Variants in NMNAT3 observed in about 807,000 individuals in gnomAD.
NMNAT3 encodes the protein nicotinamide/nicotinic acid mononucleotide adenylyltransferase 3.
NMNAT3 carries 21 observed loss-of-function variants against 24.8 expected under a neutral mutation model. That is an observed-to-expected ratio of 0.85 (90% confidence interval 0.60 to 1.22). The LOEUF (loss-of-function observed/expected upper bound fraction) is 1.22. Among genes scored for constraint, NMNAT3 ranks in the 50% most tolerant of loss-of-function variants. The probability of loss-of-function intolerance (pLI) is 0.00; values close to 1 mark genes in which losing one functional copy is unlikely to be tolerated. For missense variants in NMNAT3, 387 were observed against 436.6 expected (o/e 0.89, Z 1.01); for synonymous variants, 136 against 155.2 (o/e 0.88, Z 0.92).
At chr3:139,652,492 C>T (rs1487740919) in intron 1 of NMNAT3, among the ~76,000 whole-genome samples, 4 of 152,198 alleles carry the variant, frequency 2.6e-5, no homozygotes, top group East Asian at 3.9e-4. Flanking sequence ...AGATGAGATT[C>T]GACCCCACCC....
chr3:139,576,806 C>T (rs968371829), intron 5 of NMNAT3, among the ~76,000 whole-genome samples: 1 of 152,128 alleles, frequency 6.6e-6, no homozygotes, highest in African/African-American at 2.4e-5. Context: ...CCTGTAATCC[C>T]AGCACTTTGG....
At chr3:139,669,458 CAG>C (rs2057687326) in intron 1 of NMNAT3, among the ~76,000 whole-genome samples, 1 of 111,864 alleles carries the variant, frequency 8.9e-6, no homozygotes, top group Non-Finnish European at 1.7e-5. Context: ...GCCTGGGCAA[CAG>C]AGTGAGACCC....
chr3:139,668,715 A>G (rs2057662962), intron 1 of NMNAT3, among the ~76,000 whole-genome samples: 1 of 152,262 alleles, frequency 6.6e-6, no homozygotes, highest in Non-Finnish European at 1.5e-5. Context: ...CATAGACTTC[A>G]TCTAGGGAAC....
At chr3:139,626,572 C>T (rs2056060182) in intron 3 of NMNAT3, among the ~76,000 whole-genome samples, 1 of 152,014 alleles carries the variant, frequency 6.6e-6, no homozygotes, top group Non-Finnish European at 1.5e-5. Context: ...GGTTTGGTTT[C>T]CATTGGTTCA....
chr3:139,649,680 C>T (rs1288048267), intron 1 of NMNAT3, among the ~76,000 whole-genome samples: 1 of 152,170 alleles, frequency 6.6e-6, no homozygotes, highest in Non-Finnish European at 1.5e-5. Flanking sequence ...GTGAGTTGCA[C>T]ACCAGGGAGG....
At chr3:139,639,183 G>A (rs1174980877) in intron 1 of NMNAT3, among the ~76,000 whole-genome samples, 1 of 152,088 alleles carries the variant, frequency 6.6e-6, no homozygotes, top group Non-Finnish European at 1.5e-5. Context: ...GCTTCTTGAG[G>A]GCAAAGAATG....
intron 3 of NMNAT3, among the ~76,000 whole-genome samples, chr3:139,619,807 T>C (rs2055677248): frequency 6.6e-6 from 1 of 152,218 alleles, no homozygotes; most frequent in Non-Finnish European, 1.5e-5. Flanking sequence ...AACGTTATTC[T>C]GCTCACTATT....
intron 3 of NMNAT3, among the ~76,000 whole-genome samples, chr3:139,608,175 C>G (rs1241380762): frequency 4.6e-5 from 7 of 152,286 alleles, no homozygotes; most frequent in African/African-American, 1.4e-4. Flanking sequence ...GCATATTAAC[C>G]CTGGAGCTGC....
chr3:139,667,217 C>T (rs1053082271), intron 1 of NMNAT3, among the ~76,000 whole-genome samples: 6 of 152,160 alleles, frequency 3.9e-5, no homozygotes, highest in Non-Finnish European at 8.8e-5. Context: ...TTAATACATT[C>T]CCATCAATGA....
In NMNAT3 at chr3:139,594,570, A is replaced by T. The variant is rs540949822; in HGVS notation, c.110-11362T>A. On this transcript the variant is annotated intron_variant, in intron 3 of 6. Transcript: ENST00000643695. ...TTGATGCAAAAATCCTCAATAAAAT[A>T]CTGGCAAACCGAATCCAGCAGCACA... Among the ~76,000 whole-genome samples, 583 of 152,344 alleles carry T rather than the reference A, an allele frequency of 3.8e-3. 4 individuals carry two copies. The highest frequency in any genetic ancestry group is 0.013 in the African/African-American group (561 of 41,582).
intron 3 of NMNAT3, chr3:139,599,216 C>A: frequency 1.6e-6 from 1 of 610,196 alleles, no homozygotes; most frequent in South Asian, 2.0e-5. Flanking sequence ...CTACATGTGT[C>A]AAAACAATTG....
At chr3:139,620,738 G>C (rs1469839681) in intron 3 of NMNAT3, among the ~76,000 whole-genome samples, 1 of 151,766 alleles carries the variant, frequency 6.6e-6, no homozygotes, top group Admixed American at 6.6e-5. Context: ...TTTTGAGACA[G>C]GATGTCACTC....
chr3:139,655,897 C>T (rs2057225540), intron 1 of NMNAT3, among the ~76,000 whole-genome samples: 2 of 152,172 alleles, frequency 1.3e-5, no homozygotes, highest in South Asian at 4.1e-4. Context: ...AAGAGTAGCT[C>T]CTTGAAAACT....
chr3:139,595,909 T>C (rs2054432496), intron 3 of NMNAT3, among the ~76,000 whole-genome samples: 1 of 152,214 alleles, frequency 6.6e-6, no homozygotes, highest in African/African-American at 2.4e-5. Flanking sequence ...GGGCAAGGAC[T>C]TCATGTCCAA....
At chr3:139,638,722 G>T (rs2056595272) in intron 1 of NMNAT3, among the ~76,000 whole-genome samples, 1 of 152,074 alleles carries the variant, frequency 6.6e-6, no homozygotes, top group South Asian at 2.1e-4. Context: ...CTTTTTTCCA[G>T]TCTCACCTCT....
At chr3:139,617,179 G>A (rs1260340721) in intron 3 of NMNAT3, among the ~76,000 whole-genome samples, 4 of 152,004 alleles carry the variant, frequency 2.6e-5, no homozygotes, top group African/African-American at 9.7e-5. Flanking sequence ...CACTGGGAGC[G>A]TCCCCCTGAG....
chr3:139,571,822 G>C (rs916852395), intron 6 of NMNAT3, among the ~76,000 whole-genome samples: 1 of 152,182 alleles, frequency 6.6e-6, no homozygotes, highest in Non-Finnish European at 1.5e-5. Context: ...AGCTGAGACA[G>C]GGATTCTGGA....
chr3:139,563,249 G>C (rs1057212006), intron 6 of NMNAT3, among the ~76,000 whole-genome samples: 3 of 152,202 alleles, frequency 2.0e-5, no homozygotes, highest in Admixed American at 6.5e-5. Context: ...TTCTGCATCT[G>C]TGAAGTTTTA....
Position 139,646,222 on chromosome 3 carries a change from A to C in NMNAT3, c.-140-8160T>G, listed in dbSNP as rs80151225. Among the ~76,000 whole-genome samples the C allele has an allele frequency of 5.4e-3, 826 of 152,330 alleles. 8 individuals are homozygous for C. The highest frequency in any genetic ancestry group is 0.019 in the African/African-American group (796 of 41,566). On this transcript the variant is annotated intron_variant, in intron 1 of 6. Transcript: ENST00000643695. ...TGTTTAGTGTTATGTTGAGAAGCCA[A>C]GCACCACTATGTTTCCTTTACAATC...
Sources: gnomAD v4.1 joint callset for allele counts (sites outside exome capture counted in the v4.1 genomes callset) on GRCh38, gnomAD v4.1.1 for gene constraint, MANE v1.5 for transcripts, NCBI Gene and HGNC (gene_info 2026-07-23, HGNC 2026-07-21) for gene names.